DOT1L: variants seen among roughly 807,000 people sequenced by gnomAD.
DOT1L encodes histone-lysine N-methyltransferase, H3 lysine-79 specific.
In DOT1L, 33 loss-of-function variants were observed where a neutral mutation model predicts 153.3. The observed-to-expected ratio is 0.22, with a 90% CI of 0.16 to 0.29. The LOEUF (loss-of-function observed/expected upper bound fraction) is 0.29. Ranked by LOEUF, DOT1L falls within the 10% of genes least tolerant of loss-of-function variation. The pLI is 1.00. For missense variants in DOT1L, 1,847 were observed against 2,119.9 expected, an observed-to-expected ratio of 0.87 and a Z score of 2.53; for synonymous variants, 1,135 against 965.1, an observed-to-expected ratio of 1.18 and a Z score of -3.26.
At chr19:2,169,991 T>C (rs566625828) in intron 1 of DOT1L, among the ~76,000 whole-genome samples, 24 of 152,282 alleles carry the variant, frequency 1.6e-4, no homozygotes, top group Admixed American at 1.5e-3. Context: ...ACCCCGTATT[T>C]ACCAAAAATA....
rs1273445615 is a variant in DOT1L at position 2,197,154 on chromosome 19, C to T, written c.651+2577C>T. Among the ~76,000 whole-genome samples the T allele has an allele frequency of 6.6e-6, 1 of 152,150 alleles. No homozygotes were observed. The highest frequency in any genetic ancestry group is 1.5e-5 in the Non-Finnish European group (1 of 68,038). Reference sequence around the variant, plus strand: ...CCTGTCTGGTTTGGTCTCTGGGTGGCGCTCCCTCGGCTTCTGTTCTGCTGT... The same window carrying T: ...CCTGTCTGGTTTGGTCTCTGGGTGGTGCTCCCTCGGCTTCTGTTCTGCTGT... On this transcript the variant is annotated intron_variant, in intron 7 of 27. Coordinates refer to ENST00000398665, the MANE Select transcript of DOT1L (RefSeq NM_032482.3). This position sits in a 1 kb window ranked among gnomAD's most constrained non-coding sequence, Gnocchi z 4.1.
At chr19:2,184,454 G>T (rs942486008) in intron 2 of DOT1L, among the ~76,000 whole-genome samples, 2 of 152,036 alleles carry the variant, frequency 1.3e-5, no homozygotes, top group African/African-American at 4.8e-5. Context: ...CTGGGGACTT[G>T]GCGTGGGGTA....
chr19:2,209,101 C>G, intron 12 of DOT1L, 125 bp downstream of exon 12: 2 of 1,083,906 alleles, frequency 1.8e-6, no homozygotes, highest in Admixed American at 5.2e-5. Context: ...CCCTCGGGGC[C>G]CGGCCCTGTG....
intron 1 of DOT1L, among the ~76,000 whole-genome samples, chr19:2,174,342 T>A (rs1599534148): frequency 6.6e-6 from 1 of 152,322 alleles, no homozygotes; most frequent in East Asian, 1.9e-4. Flanking sequence ...AGTAGCTGCA[T>A]GGACTTGGGC....
Position 2,229,944 on chromosome 19 carries a change from C to T in DOT1L, c.*152C>T, listed in dbSNP as rs182290621. The T allele has an allele frequency of 7.7e-5, 105 of 1,355,836 alleles. No individual in the cohort carries two copies. In the East Asian group the frequency reaches 1.8e-3, roughly 24 times the overall value. The allele number at this position is 1,355,836 out of a possible 1,614,324, so 84.0% of individuals were successfully genotyped here. On this transcript the variant is annotated 3_prime_UTR_variant, in exon 28 of 28. Coordinates refer to ENST00000398665, the MANE Select transcript of DOT1L (RefSeq NM_032482.3). ...CACTGTGAATCGGCGGCACGCGCCGCAGGAGGCTGGGACTGGTCCAGTTTG... is the reference window on the plus strand; with the variant it reads ...CACTGTGAATCGGCGGCACGCGCCGTAGGAGGCTGGGACTGGTCCAGTTTG...
At chr19:2,227,894 G>T in intron 27 of DOT1L, 1 of 1,259,654 alleles carries the variant, frequency 7.9e-7, no homozygotes, top group South Asian at 1.3e-5. Context: ...CCTCGGTTGA[G>T]ACCCGGCCGC....
intron 1 of DOT1L, among the ~76,000 whole-genome samples, chr19:2,177,501 A>G (rs1249764828): frequency 6.6e-6 from 1 of 152,066 alleles, no homozygotes; most frequent in East Asian, 1.9e-4. Context: ...TTTTTATATT[A>G]TTAGTGGTAA....
intron 1 of DOT1L, among the ~76,000 whole-genome samples, chr19:2,178,663 C>T (rs182753928): frequency 4.9e-4 from 75 of 151,822 alleles, no homozygotes; most frequent in Non-Finnish European, 6.2e-4. Context: ...GTGATCCACC[C>T]GCCTCAGCTG....
At chr19:2,228,913 G>C in intron 27 of DOT1L, 1 of 985,444 alleles carries the variant, frequency 1.0e-6, no homozygotes, top group Non-Finnish European at 1.2e-6. Context: ...CTCATAGGGA[G>C]CCAGTGAAGC....
chr19:2,206,883 C>T, intron 10 of DOT1L, 86 bp downstream of exon 10: 1 of 1,354,146 alleles, frequency 7.4e-7, no homozygotes, highest in Admixed American at 1.7e-5. Flanking sequence ...CTTCCTTGAC[C>T]CTGTGGACAC....
chr19:2,229,982 T>A lies in DOT1L; in HGVS notation c.*190T>A. On this transcript the variant is annotated 3_prime_UTR_variant, in exon 28 of 28. Coordinates refer to ENST00000398665, the MANE Select transcript of DOT1L (RefSeq NM_032482.3). Reference sequence around the variant, plus strand: ...CTGGTCCAGTTTGTACTGTCGATAGTTTTAGATAAAGTATTTATCATTTTT... The same window carrying A: ...CTGGTCCAGTTTGTACTGTCGATAGATTTAGATAAAGTATTTATCATTTTT... 5.0e-6 allele frequency: 4 copies of A among 805,884 alleles called. No homozygotes were observed. Among genetic ancestry groups the A allele is most frequent in the Non-Finnish European group, 7.7e-6 (4 of 516,266 alleles). 49.9% of individuals were successfully genotyped at this position (805,884 alleles called of 1,614,324 possible). A position where few individuals can be genotyped will look rare whatever the true frequency, so the allele number is the denominator to read the frequency against.
Position 2,227,131 on chromosome 19 carries a change from G to C in DOT1L, c.4606+4G>C, listed in dbSNP as rs114210507. On this transcript the variant is annotated splice_donor_region_variant and intron_variant, in intron 27 of 27. Transcript: ENST00000398665. Reference sequence around the variant, plus strand: ...GTGGCAGGCGGCACAGTTGGAGGTAGGCAGGGCGGCCGTCCGTCCGCCCCC... The same window carrying C: ...GTGGCAGGCGGCACAGTTGGAGGTACGCAGGGCGGCCGTCCGTCCGCCCCC... The C allele has an allele frequency of 3.3e-3, 5,148 of 1,557,532 alleles. 150 individuals carry two copies. In the African/African-American group the frequency reaches 0.064, roughly 19 times the overall value.
At position 2,191,323 on chromosome 19, in the gene DOT1L, G is replaced by C. The variant is rs1216892655; in HGVS notation, c.493+83G>C. ...CTGCCCCATGCCTGCTTGGAGAAGA[G>C]TTTATCAGGGACTTGCGACGTTGGC... On this transcript the variant is annotated intron_variant, in intron 5 of 27. Transcript: ENST00000398665. The surrounding 1 kb of genome is among the most constrained non-coding windows in gnomAD (Gnocchi z 6.8). 1.4e-6 allele frequency: 2 copies of C among 1,409,040 alleles called. No homozygotes were observed. The highest frequency in any genetic ancestry group is 1.4e-5 in the African/African-American group (1 of 70,676). The allele number at this position is 1,409,040 out of a possible 1,614,324, so 87.3% of individuals were successfully genotyped here. A position where few individuals can be genotyped will look rare whatever the true frequency, so the allele number is the denominator to read the frequency against.
intron 18 of DOT1L, 38 bp downstream of exon 18, chr19:2,214,024 G>A: frequency 6.3e-7 from 1 of 1,599,436 alleles, no homozygotes; most frequent in Non-Finnish European, 8.5e-7. Context: ...CGTGGAACCA[G>A]AGGGGCCCTG....
intron 1 of DOT1L, among the ~76,000 whole-genome samples, chr19:2,167,223 C>T (rs555524269): frequency 1.8e-4 from 28 of 152,318 alleles, no homozygotes; most frequent in East Asian, 1.7e-3. Context: ...GTGGACCGCA[C>T]GGCCTGTGCT....
At chr19:2,202,551 C>A in intron 8 of DOT1L, 149 bp from the exon 9 acceptor site, 1 of 709,470 alleles carries the variant, frequency 1.4e-6, no homozygotes, top group Non-Finnish European at 2.4e-6. Flanking sequence ...AAACCCACGG[C>A]GTGCGCTCAG....
intron 7 of DOT1L, among the ~76,000 whole-genome samples, chr19:2,198,179 A>AG (rs2023098435): frequency 6.6e-6 from 1 of 152,180 alleles, no homozygotes; most frequent in South Asian, 2.1e-4. Flanking sequence ...CTGTGATGCG[A>AG]GCCCGGATCT....
At chr19:2,169,044 A>T (rs1241793159) in intron 1 of DOT1L, among the ~76,000 whole-genome samples, 1 of 152,122 alleles carries the variant, frequency 6.6e-6, no homozygotes, top group Non-Finnish European at 1.5e-5. Flanking sequence ...CTGGTGACTC[A>T]CAGGCTGTGG....
In DOT1L at chr19:2,192,627, C is replaced by T. The variant is rs553817658; in HGVS notation, c.494-1062C>T. ...GGCGGAGGTTGTGGTGAGACGAGAT[C>T]GCATCACGGCACTCCGGCCTGGGTG... On this transcript the variant is annotated intron_variant, in intron 5 of 27. Coordinates refer to ENST00000398665, the MANE Select transcript of DOT1L (RefSeq NM_032482.3). 1.1e-4 allele frequency among the ~76,000 whole-genome samples: 17 copies of T among 148,036 alleles called. No homozygotes were observed. The South Asian group carries it at 1.5e-3, about 13-fold the overall frequency.
Sources: gnomAD v4.1 joint callset for allele counts (sites outside exome capture counted in the v4.1 genomes callset) on GRCh38, gnomAD v4.1.1 for gene constraint, Gnocchi (gnomAD v3.1) non-coding constraint, MANE v1.5 for transcripts, NCBI Gene and HGNC (gene_info 2026-07-23, HGNC 2026-07-21) for gene names.